The following SPO11 variants were observed in gnomAD, a reference collection of about 807,000 sequenced individuals.
SPO11 encodes the protein meiotic recombination protein SPO11.
SPO11 carries 49 observed loss-of-function variants against 51.6 expected under a neutral mutation model. That is an observed-to-expected ratio of 0.95 (90% CI 0.75 to 1.20). The LOEUF (loss-of-function observed/expected upper bound fraction) is 1.20, where lower values mean the gene tolerates loss of function less well. SPO11 is among the 50% of genes most tolerant of loss of function. The probability of loss-of-function intolerance (pLI) is 0.00; values close to 1 mark genes in which losing one functional copy is unlikely to be tolerated. For synonymous variants in SPO11, 176 were observed against 158.2 expected (o/e 1.11, Z -0.84); for missense variants, 431 against 473.4 (o/e 0.91, Z 0.83).
intron 11 of SPO11, among the ~76,000 whole-genome samples, chr20:57,340,468 C>T (rs936430886): frequency 1.3e-5 from 2 of 152,120 alleles, no homozygotes; most frequent in Non-Finnish European, 2.9e-5. Flanking sequence ...CTTAAAAGTA[C>T]AATACATTGT....
At chr20:57,334,641 C>A in intron 5 of SPO11, 109 bp from the exon 6 acceptor site, 1 of 749,668 alleles carries the variant, frequency 1.3e-6, no homozygotes, top group Admixed American at 2.9e-5. Context: ...TCTGAAATTT[C>A]AATCCAAGTG....
At chr20:57,335,495 GTTCA>G in intron 7 of SPO11, 40 bp downstream of exon 7, 1 of 1,577,420 alleles carries the variant, frequency 6.3e-7, no homozygotes, top group Middle Eastern at 2.0e-4. Flanking sequence ...CTTTTGGAAT[GTTCA>G]TTCATTCATT....
intron 2 of SPO11, 110 bp downstream of exon 2, chr20:57,332,056 C>CA (rs554347728): frequency 2.2e-4 from 126 of 569,708 alleles, no homozygotes; most frequent in South Asian, 3.7e-4. Context: ...TTTACCTTGC[C>CA]AAAAAAAAGG....
intron 12 of SPO11, 82 bp from the exon 13 acceptor site, chr20:57,343,259 C>A: frequency 6.6e-7 from 1 of 1,511,012 alleles, no homozygotes; most frequent in Non-Finnish European, 9.0e-7. Flanking sequence ...GAGAATAAAG[C>A]AATTCTAGAT....
At position 57,335,822 on chromosome 20, in the gene SPO11, T is replaced by C. The variant is rs2066505854; in HGVS notation, c.659T>C (p.Val220Ala). The C allele has an allele frequency of 1.2e-6, 2 of 1,611,804 alleles. No homozygotes were observed. The highest frequency in any genetic ancestry group is 4.5e-5 in the East Asian group (2 of 44,850). Residue 220 changes from valine to alanine, a missense_variant, in exon 8 of 13, where the codon GTA becomes GCA. Val to Ala is a moderately conservative substitution (Grantham distance 64). Around this residue, in one of 3 missense-constraint regions of SPO11, gnomAD observed 405 missense variants for 425.9 expected, o/e 0.95. Transcript: ENST00000371263. Reference protein sequence around the residue: ...IRNLVTDAKFVLIVEKDATFQ... With the variant: ...IRNLVTDAKFALIVEKDATFQ... ...GATTTAGTTACAGATGCAAAGTTTG[T>C]ATTAATTGTAGAAAAAGATGCAACA...
At chr20:57,340,502 G>A (rs902800002) in intron 11 of SPO11, among the ~76,000 whole-genome samples, 2 of 152,126 alleles carry the variant, frequency 1.3e-5, no homozygotes, top group Non-Finnish European at 2.9e-5. Context: ...GGTGGCTGAC[G>A]CCTGTAATCC....
chr20:57,331,983 T>A (rs773827506), intron 2 of SPO11, 37 bp downstream of exon 2: 1 of 1,182,312 alleles, frequency 8.5e-7, no homozygotes, highest in South Asian at 1.5e-5. Context: ...AAATGCAATA[T>A]CTATGTCATT....
chr20:57,343,534 GA>G lies in SPO11; in HGVS notation c.*77del. 1 of 1,388,672 alleles carries G rather than the reference GA, an allele frequency of 7.2e-7. No individual in the cohort carries two copies. The highest frequency in any genetic ancestry group is 9.8e-7 in the Non-Finnish European group (1 of 1,021,236). The allele number at this position is 1,388,672 out of a possible 1,614,324, so 86.0% of individuals were successfully genotyped here. ...GTTTTGATTGGCAAATACTATTGTGGAAAGAACATATATTATATTCTTAATT... is the reference window on the plus strand; with the variant it reads ...GTTTTGATTGGCAAATACTATTGTGGAAGAACATATATTATATTCTTAATT... On this transcript the variant is annotated 3_prime_UTR_variant, in exon 13 of 13. Coordinates refer to ENST00000371263, the MANE Select transcript of SPO11 (RefSeq NM_012444.3).
At chr20:57,342,906 C>A in intron 12 of SPO11, 66 bp downstream of exon 12, 2 of 1,091,394 alleles carry the variant, frequency 1.8e-6, no homozygotes, top group South Asian at 1.4e-5. Context: ...AGTGGCTATT[C>A]ACATCGTATT....
At chr20:57,334,280 G>C (rs568608223) in intron 5 of SPO11, among the ~76,000 whole-genome samples, 185 bp downstream of exon 5, 3 of 151,080 alleles carry the variant, frequency 2.0e-5, no homozygotes, top group Non-Finnish European at 4.4e-5. Flanking sequence ...TCAGCCTCCC[G>C]AGTAGCTGGG....
chr20:57,330,335 A>G (rs1359586931), intron 1 of SPO11, among the ~76,000 whole-genome samples: 1 of 151,918 alleles, frequency 6.6e-6, no homozygotes, highest in Non-Finnish European at 1.5e-5. Context: ...GTATTTTTTA[A>G]ACGTTTTTTG....
chr20:57,338,927 GA>G, intron 9 of SPO11, 61 bp from the exon 10 acceptor site: 1 of 1,030,132 alleles, frequency 9.7e-7, no homozygotes. Flanking sequence ...TAAAATTTGA[GA>G]GTGCAAATTA....
intron 8 of SPO11, among the ~76,000 whole-genome samples, chr20:57,336,811 C>T (rs1281240947): frequency 6.6e-6 from 1 of 152,184 alleles, no homozygotes; most frequent in African/African-American, 2.4e-5. Flanking sequence ...CTGCTAAGCA[C>T]TTGACATAGT....
At chr20:57,337,757 C>A in intron 8 of SPO11, 1 of 1,309,472 alleles carries the variant, frequency 7.6e-7, no homozygotes, top group Admixed American at 2.2e-5. Flanking sequence ...AGTCTTTCAG[C>A]ACCTGAAATC....
chr20:57,340,233 T>C, intron 11 of SPO11, 55 bp downstream of exon 11: 2 of 1,195,860 alleles, frequency 1.7e-6, no homozygotes, highest in Non-Finnish European at 2.5e-6. Context: ...TTATCATATG[T>C]AACAATAAGC....
intron 8 of SPO11, among the ~76,000 whole-genome samples, chr20:57,336,134 G>A (rs2066510227): frequency 6.6e-6 from 1 of 151,990 alleles, no homozygotes; most frequent in South Asian, 2.1e-4. Flanking sequence ...CTGTTGCCCA[G>A]GCCGAAGTAC....
chr20:57,330,234 C>T (rs1432696794), intron 1 of SPO11, among the ~76,000 whole-genome samples: 2 of 152,186 alleles, frequency 1.3e-5, no homozygotes, highest in Non-Finnish European at 2.9e-5. Flanking sequence ...GGATGTTCCC[C>T]TTCTAGAACG....
intron 8 of SPO11, among the ~76,000 whole-genome samples, chr20:57,336,586 G>A (rs894144348): frequency 1.3e-5 from 2 of 152,036 alleles, no homozygotes; most frequent in African/African-American, 2.4e-5. Context: ...ACTCCATTCC[G>A]CCTCCTCTCC....
intron 8 of SPO11, among the ~76,000 whole-genome samples, chr20:57,337,184 C>G (rs1185575573): frequency 6.6e-6 from 1 of 152,200 alleles, no homozygotes; most frequent in Non-Finnish European, 1.5e-5. Flanking sequence ...CTACTCTGCG[C>G]TCTTCCTCTG....
Sources: gnomAD v4.1 joint callset for allele counts (sites outside exome capture counted in the v4.1 genomes callset) on GRCh38, gnomAD v4.1.1 for gene constraint, gnomAD v4.1.1 regional missense constraint, MANE v1.5 for transcripts, NCBI Gene and HGNC (gene_info 2026-07-23, HGNC 2026-07-21) for gene names.